DAP3: variants seen among roughly 807,000 people sequenced by gnomAD.
DAP3 encodes the protein death associated protein 3.
A neutral mutation model predicts 51.9 loss-of-function variants in DAP3; 28 were observed. The ratio of observed to expected loss-of-function variants is 0.54; its 90% CI spans 0.40 to 0.74. DAP3 has a LOEUF of 0.74. Ranked by LOEUF, DAP3 falls within the 30% of genes least tolerant of loss-of-function variation. DAP3 has a pLI of 0.00. For synonymous variants in DAP3, 170 were observed against 170.3 expected (o/e 1.00, Z 0.01); for missense variants, 458 against 483.5 (o/e 0.95, Z 0.49).
intron 1 of DAP3, among the ~76,000 whole-genome samples, chr1:155,699,824 C>G (rs955132153): frequency 5.3e-5 from 8 of 152,172 alleles, no homozygotes; most frequent in African/African-American, 1.7e-4. Context: ...TTATGTTGCC[C>G]AGGCTGGTCT....
intron 1 of DAP3, among the ~76,000 whole-genome samples, chr1:155,694,716 A>G (rs1307342511): frequency 6.6e-6 from 1 of 152,180 alleles, no homozygotes; most frequent in African/African-American, 2.4e-5. Context: ...GTAGGTACCC[A>G]AACTGGAAGC....
chr1:155,707,553 A>C (rs992630009), intron 1 of DAP3, among the ~76,000 whole-genome samples: 26 of 152,186 alleles, frequency 1.7e-4, no homozygotes, highest in African/African-American at 6.3e-4. Flanking sequence ...CGGGCTTTTA[A>C]ATTAGATATT....
At chr1:155,703,900 C>T (rs1442118481) in intron 1 of DAP3, among the ~76,000 whole-genome samples, 1 of 152,282 alleles carries the variant, frequency 6.6e-6, no homozygotes, top group Middle Eastern at 3.4e-3. Context: ...GCAATCTCAG[C>T]ACTTTGCGAG....
In DAP3 at chr1:155,717,055, T is replaced by G. The variant is rs763561074; in HGVS notation, c.95T>G (p.Ile32Ser). The G allele has an allele frequency of 1.2e-6, 2 of 1,613,336 alleles. No homozygotes were observed. The highest frequency in any genetic ancestry group is 2.2e-5 in the South Asian group (2 of 91,026). ...LHMGTQARQSIAAHLDNQVPV... is the reference protein window; with the variant it reads ...LHMGTQARQSSAAHLDNQVPV... ...ATGGGGACCCAGGCTCGCCAAAGCA[T>G]TGCTGCTCACCTAGATAACCAGGTT... The change falls in exon 3 of 13, where the codon ATT becomes AGT. Residue 32 changes from isoleucine to serine, a missense_variant. Ile to Ser is a moderately radical substitution (Grantham distance 142). Coordinates refer to ENST00000368336, the MANE Select transcript of DAP3 (RefSeq NM_004632.4).
chr1:155,699,744 G>T (rs746746755), intron 1 of DAP3, among the ~76,000 whole-genome samples: 1 of 151,862 alleles, frequency 6.6e-6, no homozygotes, highest in Non-Finnish European at 1.5e-5. Context: ...CTCCCAAGTA[G>T]CTAGGACCAC....
intron 1 of DAP3, among the ~76,000 whole-genome samples, chr1:155,705,396 A>G (rs1275401166): frequency 3.3e-5 from 5 of 152,028 alleles, no homozygotes; most frequent in African/African-American, 2.4e-5. Context: ...CAGGAGTTCA[A>G]GACCATCCTG....
intron 11 of DAP3, among the ~76,000 whole-genome samples, chr1:155,733,560 C>T (rs941497821): frequency 2.6e-5 from 4 of 152,108 alleles, no homozygotes; most frequent in African/African-American, 4.8e-5. Context: ...CTTCATTGGC[C>T]GGGTGTGATG....
chr1:155,732,085 A>G, intron 11 of DAP3, 52 bp downstream of exon 11: 1 of 1,455,300 alleles, frequency 6.9e-7, no homozygotes, highest in Non-Finnish European at 9.3e-7. Flanking sequence ...CTGTTTAAAG[A>G]AAAATATTTT....
intron 3 of DAP3, 77 bp downstream of exon 3, chr1:155,717,205 T>C: frequency 6.4e-7 from 1 of 1,573,182 alleles, no homozygotes; most frequent in African/African-American, 1.4e-5. Flanking sequence ...ATAGGAAAAC[T>C]GAAACTGAAA....
At chr1:155,735,398 A>G (rs919733549) in intron 11 of DAP3, among the ~76,000 whole-genome samples, 1 of 152,120 alleles carries the variant, frequency 6.6e-6, no homozygotes, top group African/African-American at 2.4e-5. Flanking sequence ...CAACATGATG[A>G]AATCCTGTCT....
chr1:155,702,825 C>G (rs1655479311), intron 1 of DAP3, among the ~76,000 whole-genome samples: 1 of 152,140 alleles, frequency 6.6e-6, no homozygotes, highest in East Asian at 1.9e-4. Context: ...AAAAAATTAG[C>G]CAGGCGTGGT....
chr1:155,731,106 A>G (rs1659190823), intron 9 of DAP3, among the ~76,000 whole-genome samples: 1 of 151,988 alleles, frequency 6.6e-6, no homozygotes, highest in Non-Finnish European at 1.5e-5. Flanking sequence ...TGTCTCTACT[A>G]AAAATACAAA....
chr1:155,725,216 A>T (rs1261173227), intron 4 of DAP3, among the ~76,000 whole-genome samples, 166 bp from the exon 5 acceptor site: 1 of 152,170 alleles, frequency 6.6e-6, no homozygotes, highest in Non-Finnish European at 1.5e-5. Context: ...GCTAAGTTAT[A>T]TGGATAGATT....
chr1:155,694,361 G>A (rs199826767), intron 1 of DAP3, among the ~76,000 whole-genome samples: 1 of 141,496 alleles, frequency 7.1e-6, no homozygotes, highest in Non-Finnish European at 1.5e-5. Flanking sequence ...CCATGTGACA[G>A]GCCTAATTAA....
intron 3 of DAP3, among the ~76,000 whole-genome samples, chr1:155,719,902 G>A (rs543792101): frequency 7.1e-4 from 108 of 152,194 alleles, no homozygotes; most frequent in Non-Finnish European, 1.2e-3. Context: ...CCAGCTACTC[G>A]AGAGGTTTAG....
intron 3 of DAP3, among the ~76,000 whole-genome samples, chr1:155,721,290 C>CCATTGCA (rs1021602338): frequency 1.3e-5 from 2 of 151,844 alleles, no homozygotes; most frequent in Admixed American, 6.6e-5. Flanking sequence ...TAAGATCGCA[C>CCATTGCA]CATTGCACTC....
At position 155,696,974 on chromosome 1, in the gene DAP3, C is replaced by T. The variant is rs527996546; in HGVS notation, c.-8+7800C>T. Among the ~76,000 whole-genome samples the T allele has an allele frequency of 5.3e-5, 8 of 152,280 alleles. No individual in the cohort carries two copies. In the East Asian group the frequency reaches 7.7e-4, roughly 15 times the overall value. On this transcript the variant is annotated intron_variant, in intron 1 of 12. Transcript: ENST00000368336. Reference sequence around the variant, plus strand: ...AAAGCTCCCATTGGTTGCATTACAGCGTTGACCTCTTGCAAGTCGGTCAGC... The same window carrying T: ...AAAGCTCCCATTGGTTGCATTACAGTGTTGACCTCTTGCAAGTCGGTCAGC...
intron 1 of DAP3, among the ~76,000 whole-genome samples, chr1:155,693,111 G>C (rs1053433051): frequency 7.1e-6 from 1 of 141,632 alleles, no homozygotes; most frequent in Admixed American, 6.6e-5. Context: ...AAGGTCTATT[G>C]AGGGAAACCG....
chr1:155,731,548 C>T (rs1659245971), intron 10 of DAP3, 133 bp downstream of exon 10: 5 of 837,362 alleles, frequency 6.0e-6, no homozygotes. Context: ...TTATTTAATT[C>T]CTGTATCTGT....
Sources: gnomAD v4.1 joint callset for allele counts (sites outside exome capture counted in the v4.1 genomes callset) on GRCh38, gnomAD v4.1.1 for gene constraint, MANE v1.5 for transcripts, NCBI Gene and HGNC (gene_info 2026-07-23, HGNC 2026-07-21) for gene names.